The following ZFAT variants were observed in gnomAD, a reference collection of about 807,000 sequenced individuals.
ZFAT encodes the protein zinc finger protein ZFAT.
ZFAT carries 64 observed loss-of-function variants against 117.7 expected under a neutral mutation model. That is an observed-to-expected ratio of 0.54 (90% CI 0.44 to 0.67). The LOEUF (loss-of-function observed/expected upper bound fraction) is 0.67. Among genes scored for constraint, ZFAT ranks in the 30% least tolerant of loss-of-function variants. The pLI is 0.00. For synonymous variants in ZFAT, 679 were observed against 615.0 expected (o/e 1.10, Z -1.54); for missense variants, 1,433 against 1,584.5 (o/e 0.90, Z 1.62).
chr8:134,768,016 C>A, the ZFAT span, among the ~76,000 whole-genome samples: 1 of 152,320 alleles, frequency 6.6e-6, no homozygotes, highest in African/African-American at 2.4e-5. Context: ...TCTGTTTATT[C>A]TCTATCCCAC....
intron 1 of ZFAT, among the ~76,000 whole-genome samples, chr8:134,663,709 G>A (rs1270928783): frequency 6.6e-6 from 1 of 152,184 alleles, no homozygotes; most frequent in Non-Finnish European, 1.5e-5. Flanking sequence ...CTGTACTCTA[G>A]CCTCGGTGAC....
At chr8:134,571,097 G>A (rs1362067946) in intron 10 of ZFAT, among the ~76,000 whole-genome samples, 1 of 152,206 alleles carries the variant, frequency 6.6e-6, no homozygotes, top group South Asian at 2.1e-4. Flanking sequence ...CTGATCCCAG[G>A]AGATGAGAGT....
intron 7 of ZFAT, among the ~76,000 whole-genome samples, chr8:134,591,295 C>T (rs777875893): frequency 3.3e-5 from 5 of 152,322 alleles, no homozygotes; most frequent in South Asian, 4.1e-4. Flanking sequence ...AGTGTGCGGA[C>T]GCCCACCCAG....
At chr8:134,832,180 G>T in the ZFAT span, among the ~76,000 whole-genome samples, 3 of 151,080 alleles carry the variant, frequency 2.0e-5, no homozygotes, top group African/African-American at 7.3e-5. Context: ...GGGGATCGGC[G>T]GCGTCCGCAC....
At chr8:134,743,355 G>T in the ZFAT span, among the ~76,000 whole-genome samples, 1 of 152,108 alleles carries the variant, frequency 6.6e-6, no homozygotes, top group South Asian at 2.1e-4. Flanking sequence ...TGGGTCTGGT[G>T]ATGGGCGCCT....
intron 2 of ZFAT, among the ~76,000 whole-genome samples, chr8:134,642,106 T>C (rs1369139507): frequency 1.3e-5 from 2 of 152,214 alleles, no homozygotes; most frequent in Non-Finnish European, 2.9e-5. Flanking sequence ...ACGTCCTCAA[T>C]GGGAGAAGAA....
intron 13 of ZFAT, among the ~76,000 whole-genome samples, chr8:134,514,930 G>T (rs762158209): frequency 3.3e-5 from 5 of 152,102 alleles, no homozygotes; most frequent in Non-Finnish European, 7.4e-5. Context: ...ATCTACATTA[G>T]GTATTTCTCC....
chr8:134,736,975 T>C, the ZFAT span, among the ~76,000 whole-genome samples: 1 of 152,264 alleles, frequency 6.6e-6, no homozygotes, highest in African/African-American at 2.4e-5. Flanking sequence ...CCAACTTTTG[T>C]TTAAAATGTA....
the ZFAT span, among the ~76,000 whole-genome samples, chr8:134,799,984 G>A: frequency 6.6e-6 from 1 of 152,046 alleles, no homozygotes; most frequent in African/African-American, 2.4e-5. Context: ...TTATTTTACA[G>A]ATGAGAAAAC....
intron 8 of ZFAT, among the ~76,000 whole-genome samples, chr8:134,589,239 T>C (rs1466848220): frequency 2.0e-5 from 3 of 152,184 alleles, no homozygotes; most frequent in African/African-American, 4.8e-5. Context: ...CCATGTCACT[T>C]AGGACATGAG....
At chr8:134,815,089 T>C in the ZFAT span, among the ~76,000 whole-genome samples, 1 of 152,224 alleles carries the variant, frequency 6.6e-6, no homozygotes, top group Non-Finnish European at 1.5e-5. Context: ...TAATGAAATA[T>C]ATTCTGGCAA....
intron 2 of ZFAT, among the ~76,000 whole-genome samples, chr8:134,649,741 C>T (rs1017980351): frequency 2.0e-5 from 3 of 152,146 alleles, no homozygotes; most frequent in Admixed American, 6.5e-5. Flanking sequence ...ATTCCATGTT[C>T]ATGGATTGGA....
chr8:134,592,493 G>A (rs1014362279), intron 7 of ZFAT, among the ~76,000 whole-genome samples: 3 of 152,122 alleles, frequency 2.0e-5, no homozygotes, highest in Admixed American at 6.5e-5. Flanking sequence ...GGAACTTTGC[G>A]CAAATGATTT....
chr8:134,767,174 G>T, the ZFAT span: 2 of 152,162 alleles, frequency 1.3e-5, no homozygotes, highest in Non-Finnish European at 1.5e-5. Flanking sequence ...TTCAATGTGT[G>T]CTTGAAAAGA....
chr8:134,519,624 G>A lies in ZFAT; in HGVS notation c.3234+1259C>T, dbSNP rs1210315444. 3.9e-5 allele frequency among the ~76,000 whole-genome samples: 6 copies of A among 152,228 alleles called. No homozygotes were observed. In the South Asian group the frequency reaches 1.0e-3, roughly 26 times the overall value. On this transcript the variant is annotated intron_variant, in intron 13 of 15. Coordinates refer to ENST00000377838, the MANE Select transcript of ZFAT (RefSeq NM_020863.4). ...TTCTGAAAATATCATCCTATTATAT[G>A]TATAGAGAGATACTTTTTATTTCTT...
At chr8:134,606,203 G>A (rs1475714365) in intron 5 of ZFAT, among the ~76,000 whole-genome samples, 1 of 152,210 alleles carries the variant, frequency 6.6e-6, no homozygotes, top group African/African-American at 2.4e-5. Flanking sequence ...CTCAGAGGTG[G>A]CAGGGCTAGT....
intron 3 of ZFAT, among the ~76,000 whole-genome samples, chr8:134,622,441 C>T (rs774678549): frequency 3.3e-5 from 5 of 152,190 alleles, no homozygotes; most frequent in Non-Finnish European, 4.4e-5. Flanking sequence ...GCATGCCCCG[C>T]GGGGCTGAAG....
At chr8:134,756,217 T>A in the ZFAT span, among the ~76,000 whole-genome samples, 1 of 152,208 alleles carries the variant, frequency 6.6e-6, no homozygotes, top group Non-Finnish European at 1.5e-5. Flanking sequence ...CCCCTGCACA[T>A]TTCTTTGAAA....
the ZFAT span, among the ~76,000 whole-genome samples, chr8:134,831,874 G>C: frequency 6.6e-6 from 1 of 152,004 alleles, no homozygotes; most frequent in Non-Finnish European, 1.5e-5. Flanking sequence ...GCCCCCCAGA[G>C]GCCGTGTCCC....
Sources: gnomAD v4.1 joint callset for allele counts (sites outside exome capture counted in the v4.1 genomes callset) on GRCh38, gnomAD v4.1.1 for gene constraint, MANE v1.5 for transcripts, NCBI Gene and HGNC (gene_info 2026-07-23, HGNC 2026-07-21) for gene names.